Variants in SEMA3C observed in about 807,000 individuals in gnomAD.
SEMA3C encodes the protein semaphorin 3C.
SEMA3C carries 47 observed loss-of-function variants against 89.4 expected under a neutral mutation model. That is an observed-to-expected ratio of 0.53 (90% confidence interval 0.42 to 0.67). The LOEUF is 0.67. Among genes scored for constraint, SEMA3C ranks in the 30% least tolerant of loss-of-function variants. SEMA3C has a pLI of 0.00. For missense variants in SEMA3C, 839 were observed against 929.1 expected (o/e 0.90, Z 1.26); for synonymous variants, 310 against 320.2 (o/e 0.97, Z 0.34).
At chr7:80,896,962 C>G (rs1791752807) in intron 2 of SEMA3C, among the ~76,000 whole-genome samples, 1 of 152,056 alleles carries the variant, frequency 6.6e-6, no homozygotes, top group South Asian at 2.1e-4. Context: ...GAAAGGAAAC[C>G]CGGTGACAGT....
intron 2 of SEMA3C, among the ~76,000 whole-genome samples, chr7:80,890,682 C>T (rs1030195290): frequency 2.6e-5 from 4 of 152,102 alleles, no homozygotes; most frequent in African/African-American, 9.7e-5. Context: ...CCAAGAAGAA[C>T]GAAGAGCTCA....
upstream of SEMA3C, among the ~76,000 whole-genome samples, chr7:80,920,407 T>A (rs1001944444): frequency 8.5e-5 from 13 of 152,194 alleles, no homozygotes; most frequent in African/African-American, 3.1e-4. Flanking sequence ...CATTAAATTC[T>A]TATAAACTGT....
At chr7:80,894,104 C>A (rs1791677966) in intron 2 of SEMA3C, among the ~76,000 whole-genome samples, 1 of 152,158 alleles carries the variant, frequency 6.6e-6, no homozygotes, top group Admixed American at 6.6e-5. Context: ...TATCATACAA[C>A]AACCAAATGC....
At chr7:80,921,873 G>A (rs1012235255), upstream of SEMA3C, among the ~76,000 whole-genome samples, 6 of 152,174 alleles carry the variant, frequency 3.9e-5, no homozygotes, top group Non-Finnish European at 8.8e-5. Flanking sequence ...TAGCACCGAT[G>A]TTGAGTTACA....
At chr7:80,919,305 C>G, upstream of SEMA3C, 2 of 985,168 alleles carry the variant, frequency 2.0e-6, no homozygotes, top group African/African-American at 1.7e-5. Flanking sequence ...GAATGCGCGG[C>G]CGCAGGCTGG....
At chr7:80,888,285 G>A (rs2116135094) in intron 2 of SEMA3C, among the ~76,000 whole-genome samples, 1 of 151,696 alleles carries the variant, frequency 6.6e-6, no homozygotes, top group South Asian at 2.1e-4. Context: ...ATGGTGGAGT[G>A]TGCCTGTAGT....
chr7:80,869,373 T>C (rs1164116842), intron 2 of SEMA3C, among the ~76,000 whole-genome samples: 1 of 152,240 alleles, frequency 6.6e-6, no homozygotes, highest in Non-Finnish European at 1.5e-5. Context: ...GTAGATTGGT[T>C]CTTAAATGTT....
intron 2 of SEMA3C, among the ~76,000 whole-genome samples, chr7:80,838,201 G>A (rs1306069678): frequency 6.6e-6 from 1 of 151,952 alleles, no homozygotes; most frequent in African/African-American, 2.4e-5. Flanking sequence ...AGTAGACCAA[G>A]GTTAAATTTT....
chr7:80,818,544 G>T, intron 4 of SEMA3C, 126 bp from the exon 5 acceptor site: 1 of 965,614 alleles, frequency 1.0e-6, no homozygotes, highest in Non-Finnish European at 1.5e-6. Flanking sequence ...TGATGTATTA[G>T]TCCAGGGGCG....
In SEMA3C at chr7:80,785,493, C is replaced by T. The variant is rs1207352192; in HGVS notation, c.1354+3813G>A. On this transcript the variant is annotated intron_variant, in intron 12 of 17. Transcript: ENST00000265361. ...TGACACTAGGGGACCTGGAAACACC[C>T]AAGAAATGTTTTCTCCTTCCCAAGA... 3.3e-5 allele frequency among the ~76,000 whole-genome samples: 5 copies of T among 152,242 alleles called. No individual in the cohort carries two copies. In the East Asian group the frequency reaches 9.7e-4, roughly 29 times the overall value.
intron 12 of SEMA3C, among the ~76,000 whole-genome samples, chr7:80,768,275 A>G (rs1788347826): frequency 6.6e-6 from 1 of 152,192 alleles, no homozygotes; most frequent in South Asian, 2.1e-4. Flanking sequence ...GCACTTTGGG[A>G]GGCCGAGGTG....
intron 4 of SEMA3C, among the ~76,000 whole-genome samples, chr7:80,820,492 T>G (rs1415499840): frequency 1.4e-5 from 2 of 146,184 alleles, no homozygotes; most frequent in Non-Finnish European, 3.0e-5. Context: ...TCCTTTTATA[T>G]TCATTATTAC....
chr7:80,743,425 T>C lies in SEMA3C; in HGVS notation c.*1469A>G, dbSNP rs1290697313. ...TAAAAAGGCCATAATCTACTTTAATTACCTTCATCATAGATTATTAACTAT... is the reference window on the plus strand; with the variant it reads ...TAAAAAGGCCATAATCTACTTTAATCACCTTCATCATAGATTATTAACTAT... On this transcript the variant is annotated 3_prime_UTR_variant, in exon 18 of 18. Transcript: ENST00000265361. The C allele has an allele frequency of 2.6e-5, 4 of 151,878 alleles. No homozygotes were observed. The highest frequency in any genetic ancestry group is 4.4e-5 in the Non-Finnish European group (3 of 67,820). The allele number at this position is 151,878 out of a possible 1,614,324, so 9.4% of individuals were successfully genotyped here.
chr7:80,846,486 A>G (rs1157199924), intron 2 of SEMA3C, among the ~76,000 whole-genome samples: 1 of 152,108 alleles, frequency 6.6e-6, no homozygotes, highest in Non-Finnish European at 1.5e-5. Flanking sequence ...CCTCCTGAGT[A>G]CCTAGGACTA....
intron 2 of SEMA3C, among the ~76,000 whole-genome samples, chr7:80,831,028 C>T (rs1157083211): frequency 1.3e-5 from 2 of 152,188 alleles, no homozygotes; most frequent in Non-Finnish European, 2.9e-5. Flanking sequence ...TTTTATAACG[C>T]TTACTTTTAT....
At chr7:80,913,442 T>C (rs928898637) in intron 2 of SEMA3C, among the ~76,000 whole-genome samples, 1 of 152,180 alleles carries the variant, frequency 6.6e-6, no homozygotes, top group Non-Finnish European at 1.5e-5. Context: ...TATGCAAGTC[T>C]AGTGCTTAGT....
intron 8 of SEMA3C, among the ~76,000 whole-genome samples, 186 bp from the exon 9 acceptor site, chr7:80,802,965 T>C (rs1399612429): frequency 1.3e-5 from 2 of 152,236 alleles, no homozygotes; most frequent in South Asian, 2.1e-4. Flanking sequence ...ATAGTTATAC[T>C]ATTATTCTCT....
At chr7:80,795,494 T>C (rs1224787187) in intron 11 of SEMA3C, among the ~76,000 whole-genome samples, 1 of 152,150 alleles carries the variant, frequency 6.6e-6, no homozygotes, top group East Asian at 1.9e-4. Context: ...CTGTTGCAGA[T>C]GTGTGTTGCT....
chr7:80,797,581 C>A (rs1169741630), intron 11 of SEMA3C, among the ~76,000 whole-genome samples: 1 of 152,150 alleles, frequency 6.6e-6, no homozygotes, highest in African/African-American at 2.4e-5. Flanking sequence ...TATTTGCTTA[C>A]ACATACATTT....
Sources: gnomAD v4.1 joint callset for allele counts (sites outside exome capture counted in the v4.1 genomes callset) on GRCh38, gnomAD v4.1.1 for gene constraint, MANE v1.5 for transcripts, NCBI Gene and HGNC (gene_info 2026-07-23, HGNC 2026-07-21) for gene names.